Variants in PTPRQ observed in about 807,000 individuals in gnomAD.
PTPRQ encodes phosphatidylinositol phosphatase PTPRQ.
A neutral mutation model predicts 246.0 loss-of-function variants in PTPRQ; 199 were observed. The ratio of observed to expected loss-of-function variants is 0.81; its 90% CI spans 0.72 to 0.91. The LOEUF is 0.91. PTPRQ is among the 40% of genes least tolerant of loss of function. The probability of loss-of-function intolerance (pLI) is 0.00; values close to 1 mark genes in which losing one functional copy is unlikely to be tolerated. For missense variants in PTPRQ, 2,624 were observed against 2,528.4 expected (o/e 1.04, Z -0.81); for synonymous variants, 869 against 853.2 (o/e 1.02, Z -0.32).
At chr12:80,487,117 C>T (rs1894302381) in intron 9 of PTPRQ, among the ~76,000 whole-genome samples, 1 of 152,044 alleles carries the variant, frequency 6.6e-6, no homozygotes, top group Non-Finnish European at 1.5e-5. Context: ...GACTCTTTTG[C>T]CTTACTTTCT....
chr12:80,458,375 C>T (rs757095104), intron 4 of PTPRQ, among the ~76,000 whole-genome samples: 59 of 152,046 alleles, frequency 3.9e-4, no homozygotes, highest in Non-Finnish European at 3.5e-4. Context: ...TCCCTTAATT[C>T]CTACCTTATA....
chr12:80,656,838 C>T (rs913182140), intron 38 of PTPRQ, among the ~76,000 whole-genome samples: 3 of 127,310 alleles, frequency 2.4e-5, no homozygotes, highest in Non-Finnish European at 5.1e-5. Flanking sequence ...CCAACGACAA[C>T]AGATAAACAA....
At chr12:80,495,822 G>A (rs938043304) in intron 12 of PTPRQ, among the ~76,000 whole-genome samples, 177 bp from the exon 13 acceptor site, 2 of 151,960 alleles carry the variant, frequency 1.3e-5, no homozygotes, top group Non-Finnish European at 2.9e-5. Context: ...AGAACTTGAA[G>A]TCACCAACAT....
At chr12:80,545,042 T>C (rs923791492) in intron 23 of PTPRQ, among the ~76,000 whole-genome samples, 7 of 152,194 alleles carry the variant, frequency 4.6e-5, no homozygotes, top group African/African-American at 7.2e-5. Flanking sequence ...TGTAAATCTG[T>C]TCACTATCCC....
At chr12:80,531,290 A>G (rs1324047276) in intron 17 of PTPRQ, among the ~76,000 whole-genome samples, 3 of 152,158 alleles carry the variant, frequency 2.0e-5, no homozygotes, top group Non-Finnish European at 2.9e-5. Flanking sequence ...AAAAATCAGG[A>G]TATAGAACAT....
In PTPRQ at chr12:80,495,314, T is replaced by C; in HGVS notation, c.1825T>C (p.Leu609=). ...ITHYTIYAME[L]DTNRAFQITT... Reference sequence around the variant, plus strand: ...TCACTATACGATTTATGCAATGGAATTGGATACAAACAGAGCATTCCAGAT... The same window carrying C: ...TCACTATACGATTTATGCAATGGAACTGGATACAAACAGAGCATTCCAGAT... Residue 609 remains leucine, a synonymous_variant, in exon 12 of 45, where the codon TTG becomes CTG. Coordinates refer to ENST00000644991, the MANE Select transcript of PTPRQ (RefSeq NM_001145026.2). The C allele has an allele frequency of 6.5e-7, 1 of 1,545,052 alleles. No homozygotes were observed.
chr12:80,563,916 A>G (rs1896903977), intron 25 of PTPRQ, among the ~76,000 whole-genome samples: 1 of 151,926 alleles, frequency 6.6e-6, no homozygotes, highest in Admixed American at 6.6e-5. Context: ...TCTGTATTCA[A>G]CATTTGTCAG....
chr12:80,648,875 T>C, intron 35 of PTPRQ, 22 bp from the exon 36 acceptor site: 1 of 1,528,396 alleles, frequency 6.5e-7, no homozygotes, highest in East Asian at 2.5e-5. Flanking sequence ...TCACAATGCA[T>C]TTAACACAAT....
At chr12:80,516,659 T>C (rs1338902962) in intron 17 of PTPRQ, among the ~76,000 whole-genome samples, 1 of 152,224 alleles carries the variant, frequency 6.6e-6, no homozygotes, top group Admixed American at 6.5e-5. Context: ...GACTTCTGAA[T>C]CCTAAAAAAG....
intron 29 of PTPRQ, 56 bp from the exon 30 acceptor site, chr12:80,616,140 TATAC>T (rs1898749941): frequency 1.1e-5 from 13 of 1,229,920 alleles, no homozygotes; most frequent in East Asian, 3.4e-5. Context: ...TATATATATA[TATAC>T]ACACACATAC....
At chr12:80,542,443 TA>T in intron 22 of PTPRQ, 79 bp downstream of exon 22, 1 of 1,468,460 alleles carries the variant, frequency 6.8e-7, no homozygotes, top group South Asian at 1.4e-5. Context: ...CAGCATGGAA[TA>T]TGAAAGGATA....
chr12:80,496,574 T>C, intron 14 of PTPRQ, 43 bp downstream of exon 14: 1 of 1,509,558 alleles, frequency 6.6e-7, no homozygotes, highest in Non-Finnish European at 8.8e-7. Context: ...TACACAGTGA[T>C]ATAGTAAGCA....
At chr12:80,473,036 C>G (rs941893044) in intron 8 of PTPRQ, among the ~76,000 whole-genome samples, 3 of 94,334 alleles carry the variant, frequency 3.2e-5, no homozygotes, top group Non-Finnish European at 7.0e-5. Flanking sequence ...CACACACACA[C>G]TCACACACAC....
intron 37 of PTPRQ, 87 bp from the exon 38 acceptor site, chr12:80,652,657 G>A: frequency 7.5e-7 from 1 of 1,326,784 alleles, no homozygotes; most frequent in South Asian, 1.8e-5. Context: ...TAAAAAAAAA[G>A]TTTAGGACAA....
At chr12:80,566,595 A>G (rs1033581059) in intron 25 of PTPRQ, among the ~76,000 whole-genome samples, 2 of 152,114 alleles carry the variant, frequency 1.3e-5, no homozygotes, top group Non-Finnish European at 2.9e-5. Context: ...CTGGATATGC[A>G]GTGGCACCAT....
intron 4 of PTPRQ, among the ~76,000 whole-genome samples, chr12:80,458,816 A>G (rs1893056945): frequency 6.6e-6 from 1 of 152,100 alleles, no homozygotes; most frequent in Non-Finnish European, 1.5e-5. Flanking sequence ...TGAAAATGTA[A>G]AATACAATAA....
chr12:80,506,738 G>C, intron 16 of PTPRQ, 68 bp downstream of exon 16: 1 of 1,402,780 alleles, frequency 7.1e-7, no homozygotes, highest in Non-Finnish European at 9.6e-7. Flanking sequence ...CGTATAGAAT[G>C]AAACAATGTA....
intron 24 of PTPRQ, 161 bp downstream of exon 24, chr12:80,546,858 T>C: frequency 1.2e-6 from 1 of 801,846 alleles, no homozygotes; most frequent in South Asian, 2.0e-5. Flanking sequence ...TGTGAAATCA[T>C]ATGCTGTATG....
chr12:80,674,128 A>G (rs772361651), intron 43 of PTPRQ, among the ~76,000 whole-genome samples: 2 of 152,146 alleles, frequency 1.3e-5, no homozygotes, highest in African/African-American at 2.4e-5. Flanking sequence ...CCTAGTCTGT[A>G]TAACTACAAT....
Sources: gnomAD v4.1 joint callset for allele counts (sites outside exome capture counted in the v4.1 genomes callset) on GRCh38, gnomAD v4.1.1 for gene constraint, MANE v1.5 for transcripts, NCBI Gene and HGNC (gene_info 2026-07-23, HGNC 2026-07-21) for gene names.